The following PCDHA1 variants were observed in gnomAD, a reference collection of about 807,000 sequenced individuals.
PCDHA1 encodes protocadherin alpha-1.
Under a neutral mutation model 61.3 loss-of-function variants are expected in PCDHA1, and 42 were observed. That is an observed-to-expected ratio of 0.69 (90% CI 0.54 to 0.89). PCDHA1 has a LOEUF of 0.89. Among genes scored for constraint, PCDHA1 ranks in the 40% least tolerant of loss-of-function variants. The pLI is 0.00. For synonymous variants in PCDHA1, 610 were observed against 553.8 expected, an observed-to-expected ratio of 1.10 and a Z score of -1.43; for missense variants, 1,256 against 1,235.3, an observed-to-expected ratio of 1.02 and a Z score of -0.25.
intron 1 of PCDHA1, chr5:140,867,574 C>T (rs1581813828): frequency 6.6e-6 from 1 of 152,044 alleles, no homozygotes; most frequent in East Asian, 1.9e-4. Context: ...TTCATATGCC[C>T]TTGCAGTATT....
At chr5:140,802,536 G>A (rs1762940116) in intron 1 of PCDHA1, 7 of 1,614,200 alleles carry the variant, frequency 4.3e-6, no homozygotes, top group Non-Finnish European at 5.9e-6. Flanking sequence ...GGAGGTGGCC[G>A]ACGTGAACGA....
At chr5:140,887,661 T>A (rs1322494406) in intron 1 of PCDHA1, among the ~76,000 whole-genome samples, 1 of 152,170 alleles carries the variant, frequency 6.6e-6, no homozygotes, top group African/African-American at 2.4e-5. Context: ...CTTGGATCTG[T>A]GGATTTATCA....
intron 1 of PCDHA1, among the ~76,000 whole-genome samples, chr5:140,977,966 G>A (rs562447024): frequency 3.9e-5 from 6 of 152,004 alleles, no homozygotes; most frequent in South Asian, 4.2e-4. Context: ...CTCAATCTCC[G>A]CCCATGAAAA....
At chr5:140,998,738 A>G (rs1163158052) in intron 3 of PCDHA1, among the ~76,000 whole-genome samples, 1 of 151,972 alleles carries the variant, frequency 6.6e-6, no homozygotes, top group Non-Finnish European at 1.5e-5. Context: ...CTAATTTTGT[A>G]TTTTTAGAAG....
intron 3 of PCDHA1, among the ~76,000 whole-genome samples, chr5:140,985,205 G>C (rs1554246849): frequency 6.6e-6 from 1 of 152,092 alleles, no homozygotes; most frequent in African/African-American, 2.4e-5. Flanking sequence ...CCAAAGTGTT[G>C]GGATTACAGG....
Position 140,966,719 on chromosome 5 carries a change from G to A in PCDHA1, c.2395-12230G>A, listed in dbSNP as rs373995406. On this transcript the variant is annotated intron_variant, in intron 1 of 3. Coordinates refer to ENST00000504120, the MANE Select transcript of PCDHA1 (RefSeq NM_018900.4). ...CCGGGCGTGGGGCACGGCTGGGGAA[G>A]CTGCCGCCTCCGGCCCTGCCCGGCT... 7.2e-6 allele frequency: 10 copies of A among 1,395,512 alleles called. No individual in the cohort carries two copies. The East Asian group carries it at 1.1e-4, about 16-fold the overall frequency. 86.4% of individuals were successfully genotyped at this position (1,395,512 alleles called of 1,614,324 possible).
intron 3 of PCDHA1, among the ~76,000 whole-genome samples, chr5:140,983,358 T>C (rs1374842008): frequency 6.6e-6 from 1 of 152,224 alleles, no homozygotes; most frequent in Non-Finnish European, 1.5e-5. Context: ...GTAATAGAAA[T>C]ATGGCTTTGG....
intron 1 of PCDHA1, chr5:140,817,081 T>G (rs1314606602): frequency 1.3e-5 from 2 of 152,230 alleles, no homozygotes; most frequent in Non-Finnish European, 2.9e-5. Flanking sequence ...CTGAGGAGCA[T>G]CAGCCCGCCA....
Position 140,841,763 on chromosome 5 carries a change from C to T in PCDHA1, c.2394+53079C>T. The T allele has an allele frequency of 1.9e-6, 3 of 1,613,884 alleles. No individual in the cohort carries two copies. The highest frequency in any genetic ancestry group is 1.3e-5 in the African/African-American group (1 of 74,976). ...GCTGTTTGTTTCAGAATCCAGAATG[C>T]CAGACTCTCGGTTTCCGCTAGAGGG... On this transcript the variant is annotated intron_variant, in intron 1 of 3. Transcript: ENST00000504120.
At chr5:140,802,995 G>T (rs1562190625) in intron 1 of PCDHA1, 2 of 1,614,060 alleles carry the variant, frequency 1.2e-6, no homozygotes, top group East Asian at 4.5e-5. Context: ...AGTGGATGCA[G>T]ACTCAGGCTA....
chr5:140,848,861 G>C, intron 1 of PCDHA1: 1 of 1,590,758 alleles, frequency 6.3e-7, no homozygotes, highest in Non-Finnish European at 8.6e-7. Flanking sequence ...TGGACGTGGA[G>C]GTGAAGGACA....
chr5:140,956,701 G>T (rs549659732), intron 1 of PCDHA1, among the ~76,000 whole-genome samples: 1 of 152,138 alleles, frequency 6.6e-6, no homozygotes, highest in Non-Finnish European at 1.5e-5. Context: ...CCATTGTTTG[G>T]AATAGCTTCA....
At position 140,829,715 on chromosome 5, in the gene PCDHA1, G is replaced by A. The variant is rs2150173253; in HGVS notation, c.2394+41031G>A. On this transcript the variant is annotated intron_variant, in intron 1 of 3. Coordinates refer to ENST00000504120, the MANE Select transcript of PCDHA1 (RefSeq NM_018900.4). ...TCAGGTGAGCGCGCGCGACGCGGGC[G>A]TGCCGCCTCTGGGCAGCAACGTGAC... is the stretch of plus-strand genomic sequence containing the variant. 5.6e-6 allele frequency: 9 copies of A among 1,613,468 alleles called. No individual in the cohort carries two copies. The Admixed American group carries it at 1.0e-4, about 18-fold the overall frequency.
At chr5:140,835,975 T>C (rs2150249411) in intron 1 of PCDHA1, 4 of 1,613,318 alleles carry the variant, frequency 2.5e-6, no homozygotes, top group Non-Finnish European at 3.4e-6. Context: ...CTGGAGCTGT[T>C]GCAGTTCCAG....
At chr5:140,953,514 AC>A (rs1209488542) in intron 1 of PCDHA1, among the ~76,000 whole-genome samples, 2 of 152,136 alleles carry the variant, frequency 1.3e-5, no homozygotes, top group Non-Finnish European at 2.9e-5. Flanking sequence ...GGCCAAAGCA[AC>A]AAAAACGGGA....
intron 1 of PCDHA1, among the ~76,000 whole-genome samples, chr5:140,881,897 C>T (rs2058860141): frequency 6.6e-6 from 1 of 152,146 alleles, no homozygotes; most frequent in African/African-American, 2.4e-5. Context: ...CAATTGTCAG[C>T]TAATATAAAA....
chr5:140,837,869 G>T (rs1367921938), intron 1 of PCDHA1, among the ~76,000 whole-genome samples: 1 of 151,606 alleles, frequency 6.6e-6, no homozygotes, highest in African/African-American at 2.4e-5. Flanking sequence ...TGTAGAGACA[G>T]GGTGGAGTCT....
chr5:140,934,912 T>C (rs534779508), intron 1 of PCDHA1, among the ~76,000 whole-genome samples: 1 of 152,318 alleles, frequency 6.6e-6, no homozygotes, highest in Admixed American at 6.5e-5. Context: ...GGAATAATTA[T>C]GGATTCACAT....
At chr5:140,930,553 A>C (rs1252554591) in intron 1 of PCDHA1, 1 of 152,562 alleles carries the variant, frequency 6.6e-6, no homozygotes, top group Non-Finnish European at 1.5e-5. Flanking sequence ...TTAGGACAAC[A>C]TTTTGAAGCA....
Sources: allele counts gnomAD v4.1 joint callset (sites outside exome capture counted in the v4.1 genomes callset), GRCh38; gene constraint gnomAD v4.1.1; transcripts MANE v1.5; gene names NCBI Gene and HGNC (gene_info 2026-07-23, HGNC 2026-07-21).